The following DOCK8 variants were observed in gnomAD, a reference collection of about 807,000 sequenced individuals.
The protein encoded by DOCK8 is dedicator of cytokinesis 8.
A neutral mutation model predicts 245.6 loss-of-function variants in DOCK8; 141 were observed. That is an observed-to-expected ratio of 0.57 (90% CI 0.50 to 0.66). DOCK8 has a LOEUF of 0.66. Among genes scored for constraint, DOCK8 ranks in the 30% least tolerant of loss-of-function variants. The pLI is 0.00. For missense variants in DOCK8, 2,965 were observed against 2,603.4 expected (o/e 1.14, Z -3.02); for synonymous variants, 1,168 against 970.2 (o/e 1.20, Z -3.79).
In DOCK8 at chr9:389,026, C is replaced by T. The variant is rs117302352; in HGVS notation, c.2875-1445C>T. Reference sequence around the variant, plus strand: ...CAGAAAAAAAAAATGAGTTTATCTACGTTTATTCCAGGTTTTGTGGGCATA... The same window carrying T: ...CAGAAAAAAAAAATGAGTTTATCTATGTTTATTCCAGGTTTTGTGGGCATA... On this transcript the variant is annotated intron_variant, in intron 23 of 47. Transcript: ENST00000432829. 2.9e-3 allele frequency among the ~76,000 whole-genome samples: 438 copies of T among 152,270 alleles called. 2 individuals are homozygous for T. Among genetic ancestry groups the T allele is most frequent in the Middle Eastern group, 0.02 (6 of 294 alleles).
chr9:285,706 T>C (rs2048794260), intron 2 of DOCK8, among the ~76,000 whole-genome samples: 1 of 152,216 alleles, frequency 6.6e-6, no homozygotes, highest in Non-Finnish European at 1.5e-5. Flanking sequence ...ACCATCAATT[T>C]CTATTATTTC....
intron 14 of DOCK8, among the ~76,000 whole-genome samples, chr9:351,599 C>T (rs1010552518): frequency 6.6e-6 from 1 of 152,218 alleles, no homozygotes; most frequent in African/African-American, 2.4e-5. Flanking sequence ...ATCTTCTGTG[C>T]AGGTAGAGCA....
intron 2 of DOCK8, among the ~76,000 whole-genome samples, chr9:277,281 C>G (rs895560004): frequency 6.6e-6 from 1 of 151,770 alleles, no homozygotes; most frequent in African/African-American, 2.4e-5. Context: ...AAAAATTAGC[C>G]AGGCATGGTG....
chr9:240,386 T>G (rs2047349395), intron 1 of DOCK8, among the ~76,000 whole-genome samples: 2 of 152,074 alleles, frequency 1.3e-5, no homozygotes, highest in Admixed American at 1.3e-4. Flanking sequence ...CACAGTTTTT[T>G]TTTTTAATGA....
At chr9:305,918 G>T (rs113234473) in intron 5 of DOCK8, among the ~76,000 whole-genome samples, 2,820 of 152,186 alleles carry the variant, frequency 0.019, 78 homozygotes, top group African/African-American at 0.064. Flanking sequence ...AAATGTGGTC[G>T]CCAGGGGCTG....
In DOCK8 at chr9:379,907, A is replaced by G. The variant is rs747889175; in HGVS notation, c.2577A>G (p.Pro859=). 2 of 1,614,146 alleles carry G rather than the reference A, an allele frequency of 1.2e-6. No individual in the cohort carries two copies. Among genetic ancestry groups the G allele is most frequent in the East Asian group, 2.2e-5 (1 of 44,884 alleles). The change falls in exon 21 of 48, where the codon CCA becomes CCG. Residue 859 remains proline, a synonymous_variant. Coordinates refer to ENST00000432829, the MANE Select transcript of DOCK8 (RefSeq NM_203447.4). The stretch of plus-strand genomic sequence containing the variant: ...ACGTGCACTACGTCTTCCGCCTGCC[A>G]GAGGTGCAAAGGGATGTGCCCAAGT... ...ASYVHYVFRL[P]EVQRDVPKSG...
intron 30 of DOCK8, among the ~76,000 whole-genome samples, chr9:419,262 A>G (rs1161232197): frequency 1.3e-5 from 2 of 152,232 alleles, no homozygotes; most frequent in African/African-American, 4.8e-5. Context: ...TCCTGCACTT[A>G]GCAAGCTCCA....
intron 1 of DOCK8, 22 bp from the exon 2 acceptor site, chr9:271,605 G>C (rs1196162360): frequency 8.2e-6 from 12 of 1,467,582 alleles, no homozygotes; most frequent in Non-Finnish European, 1.1e-5. Context: ...ATTTCATTTA[G>C]ATTTTTCTAT....
At chr9:425,981 G>A (rs2056484886) in intron 33 of DOCK8, among the ~76,000 whole-genome samples, 1 of 152,020 alleles carries the variant, frequency 6.6e-6, no homozygotes, top group Non-Finnish European at 1.5e-5. Flanking sequence ...ACAGGTAAGT[G>A]GTAACCCTGG....
rs1564016732 is a variant in DOCK8, at chr9:400,953, C to CTG, written c.3234+1694_3234+1695insTG. ...ACAACATCCACCACCACCATCACCA[C>CTG]CACCACCACCACCTCCTCCACCATC... On this transcript the variant is annotated intron_variant, in intron 26 of 47. Coordinates refer to ENST00000432829, the MANE Select transcript of DOCK8 (RefSeq NM_203447.4). 1.2e-4 allele frequency among the ~76,000 whole-genome samples: 8 copies of CTG among 67,978 alleles called. 2 individuals are homozygous for CTG. The African/African-American group carries it at 2.3e-3, about 20-fold the overall frequency. The allele number at this position is 67,978 out of a possible 152,430, so 44.6% of individuals were successfully genotyped here.
At chr9:242,536 C>T (rs1467963085) in intron 1 of DOCK8, among the ~76,000 whole-genome samples, 1 of 152,214 alleles carries the variant, frequency 6.6e-6, no homozygotes, top group African/African-American at 2.4e-5. Flanking sequence ...CTGTATCCCT[C>T]ATATGCATTA....
At chr9:343,578 A>G (rs2051717361) in intron 14 of DOCK8, among the ~76,000 whole-genome samples, 2 of 152,200 alleles carry the variant, frequency 1.3e-5, no homozygotes, top group African/African-American at 4.8e-5. Flanking sequence ...TACAGTATTC[A>G]GGAGGTATAC....
intron 6 of DOCK8, among the ~76,000 whole-genome samples, chr9:314,078 G>A (rs950289257): frequency 2.0e-5 from 3 of 152,158 alleles, no homozygotes; most frequent in South Asian, 2.1e-4. Flanking sequence ...GCCCTAACCC[G>A]CTAACTACAA....
upstream of DOCK8, chr9:214,307 G>T: frequency 3.5e-6 from 2 of 570,430 alleles, no homozygotes; most frequent in South Asian, 2.2e-5. Context: ...TTCACGCCAG[G>T]TTGTGACGAA....
At chr9:390,626 A>C in intron 24 of DOCK8, 60 bp downstream of exon 24, 3 of 1,536,578 alleles carry the variant, frequency 2.0e-6, no homozygotes, top group Non-Finnish European at 2.7e-6. Flanking sequence ...CACAGCAGAA[A>C]GGAATTGACA....
chr9:316,727 T>C (rs1219291317), intron 6 of DOCK8, among the ~76,000 whole-genome samples: 3 of 152,078 alleles, frequency 2.0e-5, no homozygotes, highest in Non-Finnish European at 4.4e-5. Context: ...ACATCAACAA[T>C]AGGTATAAGA....
chr9:271,705 C>T lies in DOCK8; in HGVS notation c.132C>T (p.Thr44=). 6.4e-7 allele frequency: 1 copy of T among 1,551,610 alleles called. No homozygotes were observed. The highest frequency in any genetic ancestry group is 8.7e-7 in the Non-Finnish European group (1 of 1,146,756). The change falls in exon 2 of 48, where the codon ACC becomes ACT. Residue 44 remains threonine, a synonymous_variant. Transcript: ENST00000432829. ...LGQYHRQSIS[T]SGFPSLQLPQ... ...AGTACCATCGACAGAGCATAAGTAC[C>T]TCTGGCTTCCCCTCTCTTCAACTAG...
intron 1 of DOCK8, among the ~76,000 whole-genome samples, chr9:269,552 C>CTTTTTT (rs57326015): frequency 2.9e-5 from 3 of 104,994 alleles, no homozygotes; most frequent in South Asian, 3.3e-4. Flanking sequence ...GTGTGGTTGT[C>CTTTTTT]TTTTTTTTTT....
At chr9:358,473 AAGG>A (rs1314725720) in intron 14 of DOCK8, among the ~76,000 whole-genome samples, 3 of 152,246 alleles carry the variant, frequency 2.0e-5, no homozygotes, top group African/African-American at 4.8e-5. Flanking sequence ...AAAGGAAAAT[AAGG>A]AGAGAGAAAT....
Sources: gnomAD v4.1 joint callset for allele counts (sites outside exome capture counted in the v4.1 genomes callset) on GRCh38, gnomAD v4.1.1 for gene constraint, MANE v1.5 for transcripts, NCBI Gene and HGNC (gene_info 2026-07-23, HGNC 2026-07-21) for gene names.